Variants in ATM observed in about 807,000 individuals in gnomAD.
ATM encodes ATM serine/threonine kinase.
Under a neutral mutation model 387.0 loss-of-function variants are expected in ATM, and 308 were observed. That is an observed-to-expected ratio of 0.80 (90% CI 0.73 to 0.87). The LOEUF (loss-of-function observed/expected upper bound fraction) is 0.87. Ranked by LOEUF, ATM falls within the 40% of genes least tolerant of loss-of-function variation. The pLI, the probability that ATM is intolerant of heterozygous loss-of-function variation, is 0.00. For missense variants in ATM, 3,312 were observed against 3,560.9 expected (o/e 0.93, Z 1.78); for synonymous variants, 1,156 against 1,187.3 (o/e 0.97, Z 0.54).
rs1309015021 is a variant in ATM at position 108,265,468 on chromosome 11, A to T, written c.2467-1703A>T. On this transcript the variant is annotated intron_variant, in intron 16 of 62. Transcript: ENST00000675843. ...AAACTGGATCCCTTCCTTACACCTG[A>T]TAGAAAAATCAATTCAAGATGGATT... 5.9e-5 allele frequency among the ~76,000 whole-genome samples: 9 copies of T among 152,342 alleles called. No individual in the cohort carries two copies. The East Asian group carries it at 1.7e-3, about 29-fold the overall frequency.
rs730881333 is a variant in ATM at position 108,243,994 on chromosome 11, C to A, written c.538C>A (p.Gln180Lys). ...CTTCAGGCTCTATCTGAAACCTTCA[C>A]AAGATGTTCATAGAGTTTTAGTGGC... ...VYFRLYLKPS[Q>K]DVHRVLVARI... Residue 180 changes from glutamine to lysine, a missense_variant, in exon 6 of 63, where the codon CAA (glutamine) becomes AAA (lysine). Gln to Lys is a moderately conservative substitution (Grantham distance 53, BLOSUM62 1). This residue lies in a region of ATM where 1,791 missense variants were observed against 1,804.5 expected (regional missense o/e 0.99). Coordinates refer to ENST00000675843, the MANE Select transcript of ATM (RefSeq NM_000051.4). 1.2e-6 allele frequency: 2 copies of A among 1,609,712 alleles called. No homozygotes were observed. Among genetic ancestry groups the A allele is most frequent in the Non-Finnish European group, 8.5e-7 (1 of 1,177,768 alleles).
intron 61 of ATM, among the ~76,000 whole-genome samples, chr11:108,360,428 C>A (rs1256217371): frequency 1.4e-5 from 2 of 139,934 alleles, no homozygotes; most frequent in African/African-American, 5.3e-5. Flanking sequence ...AAGAGGGAAT[C>A]CTCCCTAACT....
chr11:108,316,778 T>C (rs1163531457), intron 42 of ATM, among the ~76,000 whole-genome samples: 4 of 137,000 alleles, frequency 2.9e-5, no homozygotes, highest in Admixed American at 1.4e-4. Flanking sequence ...AAAAAAAAAT[T>C]AGCCGGGTGT....
intron 23 of ATM, 129 bp from the exon 24 acceptor site, chr11:108,280,866 G>T: frequency 1.3e-6 from 1 of 771,138 alleles, no homozygotes; most frequent in Non-Finnish European, 2.1e-6. Context: ...ACAGAACTAG[G>T]ATTAGTGAGT....
At chr11:108,276,641 G>A (rs537721298) in intron 22 of ATM, among the ~76,000 whole-genome samples, 1 of 152,294 alleles carries the variant, frequency 6.6e-6, no homozygotes, top group South Asian at 2.1e-4. Context: ...ATCTGCTGGA[G>A]TTTGCTGGAG....
chr11:108,336,060 G>A, intron 56 of ATM, 99 bp downstream of exon 56: 1 of 900,150 alleles, frequency 1.1e-6, no homozygotes, highest in South Asian at 1.4e-5. Flanking sequence ...GCTTTGGGAG[G>A]CCAAGGTGGG....
intron 8 of ATM, among the ~76,000 whole-genome samples, chr11:108,247,496 A>C (rs1318973373): frequency 1.3e-5 from 2 of 152,208 alleles, no homozygotes; most frequent in African/African-American, 2.4e-5. Flanking sequence ...TAGAGTTCAC[A>C]TAGCATAAAA....
intron 26 of ATM, among the ~76,000 whole-genome samples, 174 bp downstream of exon 26, chr11:108,284,647 C>A (rs1249008960): frequency 1.3e-5 from 2 of 152,076 alleles, no homozygotes; most frequent in Non-Finnish European, 2.9e-5. Flanking sequence ...CGTGTTGTCT[C>A]CCTCTGATTG....
chr11:108,347,085 C>T (rs1317122129), intron 58 of ATM, among the ~76,000 whole-genome samples, 194 bp from the exon 59 acceptor site: 1 of 152,086 alleles, frequency 6.6e-6, no homozygotes, highest in Non-Finnish European at 1.5e-5. Flanking sequence ...TTGTAAAATG[C>T]AATATGCATT....
chr11:108,248,751 G>A (rs555050904), intron 8 of ATM, among the ~76,000 whole-genome samples, 182 bp from the exon 9 acceptor site: 36 of 152,148 alleles, frequency 2.4e-4, no homozygotes, highest in Admixed American at 3.9e-4. Context: ...AGCTGGGCAT[G>A]GTGGTGCAAG....
intron 45 of ATM, among the ~76,000 whole-genome samples, chr11:108,323,275 T>C (rs926642398): frequency 6.6e-6 from 1 of 152,194 alleles, no homozygotes; most frequent in African/African-American, 2.4e-5. Context: ...CATAAGTACA[T>C]TGGCAGTACT....
intron 56 of ATM, among the ~76,000 whole-genome samples, chr11:108,336,607 A>G (rs1484394201): frequency 2.6e-5 from 4 of 152,222 alleles, no homozygotes; most frequent in African/African-American, 9.6e-5. Flanking sequence ...TGCTACAAAC[A>G]ACGCTGTATT....
Position 108,249,033 on chromosome 11 carries a change from T to G in ATM, c.1166T>G (p.Ile389Arg), listed in dbSNP as rs757486696. 6.2e-7 allele frequency: 1 copy of G among 1,613,592 alleles called. No homozygotes were observed. Among genetic ancestry groups the G allele is most frequent in the Non-Finnish European group, 8.5e-7 (1 of 1,179,922 alleles). Residue 389 changes from isoleucine to arginine, a missense_variant, in exon 9 of 63, where the codon ATA becomes AGA. Around this residue, in one of 4 missense-constraint regions of ATM, gnomAD observed 1,791 missense variants for 1,804.5 expected, o/e 0.99. Coordinates refer to ENST00000675843, the MANE Select transcript of ATM (RefSeq NM_000051.4). Reference protein sequence around the residue: ...DYSVPCKRKKIELGWEVIKDH... With the variant: ...DYSVPCKRKKRELGWEVIKDH... ...AGTGTCCCTTGCAAAAGGAAGAAAA[T>G]AGAACTAGGCTGGGAAGTAATAAAA...
At position 108,326,078 on chromosome 11, in the gene ATM, T is replaced by A. The variant is rs1225138469; in HGVS notation, c.6828T>A (p.Phe2276Leu). 6.2e-7 allele frequency: 1 copy of A among 1,614,136 alleles called. No homozygotes were observed. The highest frequency in any genetic ancestry group is 8.5e-7 in the Non-Finnish European group (1 of 1,180,008). The change falls in exon 47 of 63, where the codon TTT (phenylalanine) becomes TTA (leucine). Residue 2276 changes from phenylalanine (F) to leucine (L), a missense_variant. Phe to Leu is a conservative substitution (Grantham distance 22). This residue lies in a region of ATM where 1,405 missense variants were observed against 1,604.4 expected (regional missense o/e 0.88). Transcript: ENST00000675843. ...TTCAGCTCCCTGAAAGGGCAATATTTCAAATTAAACAGTACAATTCAGTTA... is the reference window on the plus strand; with the variant it reads ...TTCAGCTCCCTGAAAGGGCAATATTACAAATTAAACAGTACAATTCAGTTA... ...KNTQLPERAI[F>L]QIKQYNSVSC...
At chr11:108,332,546 G>A (rs945619707) in intron 52 of ATM, among the ~76,000 whole-genome samples, 3 of 152,136 alleles carry the variant, frequency 2.0e-5, no homozygotes, top group Non-Finnish European at 4.4e-5. Context: ...TTGGCAAAGT[G>A]AAACAATAGA....
rs1060504279 is a variant in ATM at position 108,259,006 on chromosome 11, A to T, written c.2397A>T (p.Ala799=). 6.2e-7 allele frequency: 1 copy of T among 1,613,716 alleles called. No individual in the cohort carries two copies. Among genetic ancestry groups the T allele is most frequent in the Non-Finnish European group, 8.5e-7 (1 of 1,179,906 alleles). The change falls in exon 16 of 63, where the codon GCA becomes GCT. Residue 799 remains alanine, a synonymous_variant. Coordinates refer to ENST00000675843, the MANE Select transcript of ATM (RefSeq NM_000051.4). ...NCTKKSPNKI[A]SGFFLRLLTS... ...TGCAGAAGAGTCCAAATAAGATTGC[A>T]TCTGGCTTTTTCCTGCGATTGTTAA... is the stretch of plus-strand genomic sequence containing the variant.
At chr11:108,349,557 G>A (rs1016181405) in intron 59 of ATM, among the ~76,000 whole-genome samples, 2 of 152,138 alleles carry the variant, frequency 1.3e-5, no homozygotes, top group Non-Finnish European at 1.5e-5. Flanking sequence ...CAGCTACTTG[G>A]GAGGCTGAGG....
chr11:108,334,338 G>A (rs2086598417), intron 54 of ATM, among the ~76,000 whole-genome samples: 2 of 152,238 alleles, frequency 1.3e-5, no homozygotes, highest in African/African-American at 2.4e-5. Flanking sequence ...GCAGTAAAAT[G>A]TATTGGCTGT....
At chr11:108,315,438 G>A (rs1007322439) in intron 40 of ATM, among the ~76,000 whole-genome samples, 4 of 152,110 alleles carry the variant, frequency 2.6e-5, no homozygotes, top group Non-Finnish European at 5.9e-5. Flanking sequence ...ATGATGAAAT[G>A]TATCATATCA....
Sources: gnomAD v4.1 joint callset for allele counts (sites outside exome capture counted in the v4.1 genomes callset) on GRCh38, gnomAD v4.1.1 for gene constraint, gnomAD v4.1.1 regional missense constraint, MANE v1.5 for transcripts, NCBI Gene and HGNC (gene_info 2026-07-23, HGNC 2026-07-21) for gene names.